The following TBL1X variants were observed in gnomAD, a reference collection of about 807,000 sequenced individuals.
The protein encoded by TBL1X is F-box-like/WD repeat-containing protein TBL1X.
A neutral mutation model predicts 50.7 loss-of-function variants in TBL1X; 10 were observed. The ratio of observed to expected loss-of-function variants is 0.20; its 90% CI spans 0.12 to 0.33. TBL1X has a LOEUF of 0.33. TBL1X is among the 10% of genes least tolerant of loss of function. The pLI, the probability that TBL1X is intolerant of heterozygous loss-of-function variation, is 1.00. For missense variants in TBL1X, 340 were observed against 504.4 expected (o/e 0.67, Z 3.12); for synonymous variants, 190 against 214.7 (o/e 0.88, Z 1.01).
intron 11 of TBL1X, among the ~76,000 whole-genome samples, chrX:9,696,983 A>G (rs1307721885): frequency 8.9e-6 from 1 of 112,317 alleles, no homozygotes; most frequent in African/African-American, 3.2e-5. Context: ...GTTAAGGGAG[A>G]TGCCAGCATA....
At chrX:9,621,160 C>G (rs925395351) in intron 2 of TBL1X, among the ~76,000 whole-genome samples, 1 of 111,354 alleles carries the variant, frequency 9.0e-6, no homozygotes, top group African/African-American at 3.3e-5. Context: ...GTCATGCAGT[C>G]CCTGCAGGGA....
At chrX:9,545,824 C>G (rs2082239363) in intron 2 of TBL1X, among the ~76,000 whole-genome samples, 1 of 111,083 alleles carries the variant, frequency 9.0e-6, no homozygotes, top group African/African-American at 3.3e-5. Context: ...GTTGTTTGAT[C>G]CAAGTTGTAC....
chrX:9,490,372 G>A (rs73631484), intron 1 of TBL1X, among the ~76,000 whole-genome samples: 4 of 111,282 alleles, frequency 3.6e-5, no homozygotes, highest in Non-Finnish European at 5.7e-5. Flanking sequence ...TGACAATGTC[G>A]GGAAACACTT....
Position 9,688,057 on chromosome X carries a change from C to G in TBL1X, c.398C>G (p.Ser133Ter), listed in dbSNP as rs1384731937. Residue 133 changes from serine (S) to a stop codon, truncating the protein, a stop_gained, in exon 7 of 18, where the codon TCA becomes TGA. Transcript: ENST00000645353. LOFTEE classifies it high-confidence loss of function. ...GACGGCCGCCCCATAGAGTCCCTGTCACTGATAGACGCCGTGATGCCCGAC... is the reference window on the plus strand; with the variant it reads ...GACGGCCGCCCCATAGAGTCCCTGTGACTGATAGACGCCGTGATGCCCGAC... ...VFDGRPIESLSLIDAVMPDVV... is the reference protein window; with the variant it reads ...VFDGRPIESL 8.3e-7 allele frequency: 1 copy of G among 1,210,689 alleles called. No individual in the cohort carries two copies. Among genetic ancestry groups the G allele is most frequent in the Admixed American group, 2.2e-5 (1 of 45,940 alleles).
chrX:9,488,246 G>A (rs986065269), intron 1 of TBL1X, among the ~76,000 whole-genome samples: 2 of 112,157 alleles, frequency 1.8e-5, no homozygotes, highest in Non-Finnish European at 3.8e-5. Context: ...ATTATCTTAC[G>A]GTTCTGAAGG....
At chrX:9,651,879 G>A (rs889110280) in intron 3 of TBL1X, among the ~76,000 whole-genome samples, 2 of 112,496 alleles carry the variant, frequency 1.8e-5, no homozygotes, top group Non-Finnish European at 3.8e-5. Flanking sequence ...AGTGAGAGGT[G>A]GAATGTCGCC....
chrX:9,602,205 G>A (rs2082560687), intron 2 of TBL1X, among the ~76,000 whole-genome samples: 1 of 111,912 alleles, frequency 8.9e-6, no homozygotes, highest in Admixed American at 9.5e-5. Context: ...TCTATGCTAT[G>A]TACAGCTCTC....
At chrX:9,712,859 G>A (rs186243775) in intron 16 of TBL1X, among the ~76,000 whole-genome samples, 12 of 111,489 alleles carry the variant, frequency 1.1e-4, no homozygotes, top group Non-Finnish European at 5.7e-5. Context: ...CCATCAGCAC[G>A]TGATTCTAGT....
At chrX:9,482,687 C>T (rs1453272115) in intron 1 of TBL1X, among the ~76,000 whole-genome samples, 8 of 110,785 alleles carry the variant, frequency 7.2e-5, no homozygotes, top group Non-Finnish European at 1.3e-4. Context: ...CAGGAAGAAG[C>T]CAGAGTGATG....
intron 5 of TBL1X, among the ~76,000 whole-genome samples, chrX:9,671,546 A>G (rs775560769): frequency 8.8e-6 from 1 of 113,374 alleles, no homozygotes; most frequent in South Asian, 3.6e-4. Context: ...TTAGATGTCA[A>G]TGATAAAAAC....
intron 2 of TBL1X, among the ~76,000 whole-genome samples, chrX:9,562,665 TC>T (rs997880849): frequency 8.9e-6 from 1 of 111,771 alleles, no homozygotes; most frequent in African/African-American, 3.3e-5. Flanking sequence ...AATGTATTTC[TC>T]CATGAATCTT....
intron 7 of TBL1X, 94 bp downstream of exon 7, chrX:9,688,369 C>G: frequency 1.3e-6 from 1 of 783,571 alleles, no homozygotes; most frequent in Admixed American, 4.1e-5. Flanking sequence ...AACCTGCCTG[C>G]TATAAATGTC....
At chrX:9,660,151 A>T (rs1214754248) in intron 5 of TBL1X, among the ~76,000 whole-genome samples, 1 of 112,860 alleles carries the variant, frequency 8.9e-6, no homozygotes, top group African/African-American at 3.2e-5. Context: ...GGCGGCCACG[A>T]AAGCTCTCTG....
chrX:9,626,516 GC>G (rs756494176), intron 2 of TBL1X, among the ~76,000 whole-genome samples: 8 of 112,075 alleles, frequency 7.1e-5, no homozygotes, highest in Non-Finnish European at 1.3e-4. Flanking sequence ...AGTAGTACCT[GC>G]CCGCCCCACA....
At chrX:9,634,298 C>T (rs1468598252) in intron 2 of TBL1X, among the ~76,000 whole-genome samples, 1 of 110,924 alleles carries the variant, frequency 9.0e-6, no homozygotes, top group Admixed American at 9.6e-5. Flanking sequence ...TCAGTGTGTC[C>T]GTTCCCTCTG....
At chrX:9,645,429 G>C (rs761277218) in intron 3 of TBL1X, 5 of 111,963 alleles carry the variant, frequency 4.5e-5, no homozygotes, top group East Asian at 2.8e-4. Flanking sequence ...CGTGTAGAAA[G>C]ATACACATGC....
At chrX:9,556,063 C>T (rs2082296392) in intron 2 of TBL1X, among the ~76,000 whole-genome samples, 1 of 109,909 alleles carries the variant, frequency 9.1e-6, no homozygotes, top group South Asian at 4.0e-4. Flanking sequence ...GTGGCACACA[C>T]CTGTGGTCCC....
At chrX:9,702,494 T>C (rs2083180276) in intron 12 of TBL1X, among the ~76,000 whole-genome samples, 1 of 103,351 alleles carries the variant, frequency 9.7e-6, no homozygotes, top group African/African-American at 3.6e-5. Flanking sequence ...TAGTCCCAGC[T>C]ACTCGAGAGA....
At chrX:9,716,184 C>T (rs777861573) in intron 17 of TBL1X, 36 bp from the exon 18 acceptor site, 6 of 1,204,439 alleles carry the variant, frequency 5.0e-6, no homozygotes, top group Admixed American at 2.2e-5. Context: ...TTTGTATTGT[C>T]TCTCAAGATG....
Sources: gnomAD v4.1 joint callset for allele counts (sites outside exome capture counted in the v4.1 genomes callset) on GRCh38, gnomAD v4.1.1 for gene constraint, MANE v1.5 for transcripts, NCBI Gene and HGNC (gene_info 2026-07-23, HGNC 2026-07-21) for gene names.